Variants in ZNF503 observed in about 807,000 individuals in gnomAD.
The protein encoded by ZNF503 is zinc finger protein 503.
Under a neutral mutation model 34.4 loss-of-function variants are expected in ZNF503, and 15 were observed. The ratio of observed to expected loss-of-function variants is 0.44; its 90% CI spans 0.29 to 0.67. The LOEUF (loss-of-function observed/expected upper bound fraction) is 0.67. ZNF503 is among the 30% of genes least tolerant of loss of function. The pLI is 0.13. For missense variants in ZNF503, 1,007 were observed against 926.8 expected, an observed-to-expected ratio of 1.09 and a Z score of -1.12; for synonymous variants, 580 against 456.8, an observed-to-expected ratio of 1.27 and a Z score of -3.44.
At chr10:75,354,050 C>T in the ZNF503 span, among the ~76,000 whole-genome samples, 3 of 152,188 alleles carry the variant, frequency 2.0e-5, no homozygotes, top group Admixed American at 1.3e-4. Context: ...CTTCAGGAGT[C>T]TGTGCTAGGA....
the ZNF503 span, among the ~76,000 whole-genome samples, chr10:75,355,237 A>G: frequency 6.6e-6 from 1 of 152,248 alleles, no homozygotes; most frequent in Non-Finnish European, 1.5e-5. Flanking sequence ...AAGGAGAGTT[A>G]GGTTTTAATC....
the ZNF503 span, among the ~76,000 whole-genome samples, chr10:75,321,535 T>C: frequency 1.3e-5 from 2 of 152,194 alleles, no homozygotes; most frequent in Non-Finnish European, 2.9e-5. Context: ...GTTAGTGCTA[T>C]AGACAATGAA....
chr10:75,322,036 C>T, the ZNF503 span, among the ~76,000 whole-genome samples: 94 of 152,044 alleles, frequency 6.2e-4, no homozygotes, highest in African/African-American at 2.1e-3. Flanking sequence ...TTTATTAAAG[C>T]CCAATACGAA....
the ZNF503 span, among the ~76,000 whole-genome samples, chr10:75,326,854 T>G: frequency 6.6e-6 from 1 of 152,158 alleles, no homozygotes; most frequent in Non-Finnish European, 1.5e-5. Context: ...TTTATTTATT[T>G]TTATTTTTTT....
At chr10:75,368,195 A>C in the ZNF503 span, among the ~76,000 whole-genome samples, 3 of 152,214 alleles carry the variant, frequency 2.0e-5, no homozygotes, top group Non-Finnish European at 4.4e-5. Flanking sequence ...ACCTCTCTGC[A>C]TCAACAATAC....
At chr10:75,387,551 C>T in the ZNF503 span, among the ~76,000 whole-genome samples, 9 of 152,230 alleles carry the variant, frequency 5.9e-5, no homozygotes, top group Admixed American at 5.9e-4. Flanking sequence ...ATCCAATTTC[C>T]TTCCTGATAT....
the ZNF503 span, among the ~76,000 whole-genome samples, chr10:75,379,025 C>T: frequency 6.6e-6 from 1 of 152,164 alleles, no homozygotes; most frequent in Non-Finnish European, 1.5e-5. Context: ...TTACCCCTAA[C>T]AGTGCCCTAA....
At chr10:75,296,945 C>A in the ZNF503 span, among the ~76,000 whole-genome samples, 2 of 152,142 alleles carry the variant, frequency 1.3e-5, no homozygotes, top group Non-Finnish European at 2.9e-5. Flanking sequence ...GCTGTGATTC[C>A]TACGGGAGTC....
Position 75,399,529 on chromosome 10 carries a change from G to A in ZNF503, c.1161C>T (p.Gly387=). 1 of 1,587,194 alleles carries A rather than the reference G, an allele frequency of 6.3e-7. No homozygotes were observed. The highest frequency in any genetic ancestry group is 8.5e-7 in the Non-Finnish European group (1 of 1,174,064). ...HGVALDPTKP[G]SLVGAQLAAA... ...CCGCCAGCTGCGCCCCCACCAGGCT[G>A]CCCGGCTTGGTGGGGTCAAGTGCCA... The change falls in exon 2 of 2, where the codon GGC becomes GGT. Residue 387 remains glycine, a synonymous_variant. Transcript: ENST00000372524.
At chr10:75,388,591 T>C in the ZNF503 span, among the ~76,000 whole-genome samples, 1 of 152,246 alleles carries the variant, frequency 6.6e-6, no homozygotes, top group African/African-American at 2.4e-5. Context: ...CCAGCTCTGC[T>C]ACTTCTTGGT....
At chr10:75,376,782 G>A in the ZNF503 span, among the ~76,000 whole-genome samples, 9 of 152,146 alleles carry the variant, frequency 5.9e-5, no homozygotes, top group Non-Finnish European at 1.2e-4. Context: ...TCACAGGGTG[G>A]CAGAAGAGAG....
At chr10:75,378,803 A>G in the ZNF503 span, among the ~76,000 whole-genome samples, 6 of 152,126 alleles carry the variant, frequency 3.9e-5, no homozygotes, top group Admixed American at 6.5e-5. Context: ...TGGACATAGG[A>G]TGTGACAGAA....
the ZNF503 span, among the ~76,000 whole-genome samples, chr10:75,288,129 G>A: frequency 1.7e-4 from 26 of 152,372 alleles, 1 homozygote; most frequent in South Asian, 1.9e-3. Flanking sequence ...CTGCCCTGTC[G>A]GGATTTGTCT....
At chr10:75,309,880 T>C in the ZNF503 span, among the ~76,000 whole-genome samples, 1 of 152,242 alleles carries the variant, frequency 6.6e-6, no homozygotes. Flanking sequence ...AACTTTTGTC[T>C]AGGTCTTTAA....
At chr10:75,384,058 C>T in the ZNF503 span, among the ~76,000 whole-genome samples, 12 of 152,240 alleles carry the variant, frequency 7.9e-5, no homozygotes, top group South Asian at 6.2e-4. Context: ...AAGTTTAGGA[C>T]GAGTCTGGCT....
the ZNF503 span, among the ~76,000 whole-genome samples, chr10:75,353,594 G>A: frequency 2.6e-5 from 4 of 152,270 alleles, no homozygotes; most frequent in South Asian, 2.1e-4. Context: ...GCCAGGGCTC[G>A]GTAGAACCAC....
chr10:75,387,223 G>C, the ZNF503 span, among the ~76,000 whole-genome samples: 1 of 152,230 alleles, frequency 6.6e-6, no homozygotes, highest in Non-Finnish European at 1.5e-5. Context: ...CCTGGGGCCT[G>C]GGGAAGGAGC....
At chr10:75,389,178 A>G in the ZNF503 span, among the ~76,000 whole-genome samples, 1 of 152,202 alleles carries the variant, frequency 6.6e-6, no homozygotes, top group East Asian at 1.9e-4. Flanking sequence ...ACACACAGAG[A>G]GTCAGCCGAG....
chr10:75,386,408 G>A, the ZNF503 span, among the ~76,000 whole-genome samples: 1 of 152,288 alleles, frequency 6.6e-6, no homozygotes, highest in Non-Finnish European at 1.5e-5. Flanking sequence ...CCCTGTATTT[G>A]TTTTACCATT....
Sources: allele counts gnomAD v4.1 joint callset (sites outside exome capture counted in the v4.1 genomes callset), GRCh38; gene constraint gnomAD v4.1.1; transcripts MANE v1.5; gene names NCBI Gene and HGNC (gene_info 2026-07-23, HGNC 2026-07-21).